PIP4P2: variants seen among roughly 807,000 people sequenced by gnomAD.
PIP4P2 encodes the protein phosphatidylinositol-4,5-bisphosphate 4-phosphatase 2.
In PIP4P2, 19 loss-of-function variants were observed where a neutral mutation model predicts 33.3. The ratio of observed to expected loss-of-function variants is 0.57; its 90% confidence interval spans 0.40 to 0.84. The LOEUF is 0.84. PIP4P2 is among the 40% of genes least tolerant of loss of function. PIP4P2 has a pLI of 0.00. For synonymous variants in PIP4P2, 110 were observed against 111.9 expected, an observed-to-expected ratio of 0.98 and a Z score of 0.11; for missense variants, 270 against 324.7, an observed-to-expected ratio of 0.83 and a Z score of 1.29.
intron 1 of PIP4P2, among the ~76,000 whole-genome samples, chr8:91,023,947 C>G (rs1310498984): frequency 1.3e-5 from 2 of 151,960 alleles, no homozygotes; most frequent in South Asian, 2.1e-4. Context: ...TACTTTTGCA[C>G]CAACCTAATA....
rs1811599898 is a variant in PIP4P2, at chr8:90,994,323, A to G, written c.*1354T>C. 6.6e-6 allele frequency: 1 copy of G among 152,110 alleles called. No homozygotes were observed. 9.4% of individuals were successfully genotyped at this position (152,110 alleles called of 1,614,324 possible). A position where few individuals can be genotyped will look rare whatever the true frequency, so the allele number is the denominator to read the frequency against. On this transcript the variant is annotated 3_prime_UTR_variant, in exon 7 of 7. Transcript: ENST00000285419. ...ATTTTTAAAGGTACATATAATCCTG[A>G]GCTACAGCATTTATACATTTGTCAT...
chr8:91,008,755 T>C lies in PIP4P2; in HGVS notation c.527A>G (p.His176Arg). 6.2e-7 allele frequency: 1 copy of C among 1,610,470 alleles called. No homozygotes were observed. Among genetic ancestry groups the C allele is most frequent in the South Asian group, 1.1e-5 (1 of 90,828 alleles). The change falls in exon 5 of 7, where the codon CAC becomes CGC. Residue 176 changes from histidine (H) to arginine (R), a missense_variant. Coordinates refer to ENST00000285419, the MANE Select transcript of PIP4P2 (RefSeq NM_018710.3). ...LRFNTLAKCP[H>R]CKKISSVGSA... The stretch of plus-strand genomic sequence containing the variant: ...GTAGGGAACTTACATTTTTTTGCAG[T>C]GTGGGCATTTTGCCAGAGTGTTGAA...
Position 90,996,677 on chromosome 8 carries a change from T to C in PIP4P2, c.607A>G (p.Ile203Val), listed in dbSNP as rs1811633138. The C allele has an allele frequency of 1.9e-6, 3 of 1,609,494 alleles. No individual in the cohort carries two copies. The highest frequency in any genetic ancestry group is 3.4e-5 in the Admixed American group (2 of 59,532). Residue 203 changes from isoleucine (I) to valine (V), a missense_variant, in exon 6 of 7, where the codon ATT (isoleucine) becomes GTT (valine). Coordinates refer to ENST00000285419, the MANE Select transcript of PIP4P2 (RefSeq NM_018710.3). ...ACAGTTAACCCAACTCCAATGAAAA[T>C]ACATATCATTCCAATGGTAATATAT... ...CAYITIGMIC[I>V]FIGVGLTVGT...
intron 1 of PIP4P2, among the ~76,000 whole-genome samples, chr8:91,022,345 T>G (rs968051224): frequency 6.6e-6 from 1 of 152,152 alleles, no homozygotes; most frequent in African/African-American, 2.4e-5. Context: ...GAGGCCCACT[T>G]TCAAAATCAA....
At chr8:91,026,770 A>T (rs1373622227) in intron 1 of PIP4P2, among the ~76,000 whole-genome samples, 1 of 152,180 alleles carries the variant, frequency 6.6e-6, no homozygotes, top group Non-Finnish European at 1.5e-5. Flanking sequence ...TGGTTTGGTG[A>T]ACTTGAGCTT....
intron 4 of PIP4P2, among the ~76,000 whole-genome samples, chr8:91,017,443 A>G (rs1389023096): frequency 2.0e-5 from 3 of 152,064 alleles, no homozygotes; most frequent in African/African-American, 4.8e-5. Context: ...AATTATAAAA[A>G]ATAAACACAT....
intron 4 of PIP4P2, among the ~76,000 whole-genome samples, chr8:91,009,386 C>T (rs1811801988): frequency 6.6e-6 from 1 of 151,998 alleles, no homozygotes; most frequent in Admixed American, 6.6e-5. Context: ...TATTCAGATA[C>T]TTGAAATGAC....
rs752247504 is a variant in PIP4P2 at position 91,040,635 on chromosome 8, T to A, written c.106+9A>T. On this transcript the variant is annotated intron_variant, in intron 1 of 6. Transcript: ENST00000285419. Reference sequence around the variant, plus strand: ...CCTTGCAAAGTAGAGGGATCTACGCTGGCCTTACCTCTGGGGCTGCTTTCT... The same window carrying A: ...CCTTGCAAAGTAGAGGGATCTACGCAGGCCTTACCTCTGGGGCTGCTTTCT... 1.2e-6 allele frequency: 2 copies of A among 1,613,712 alleles called. No homozygotes were observed. The highest frequency in any genetic ancestry group is 1.7e-4 in the Middle Eastern group (1 of 5,772).
rs751969059 is a variant in PIP4P2 at position 90,995,760 on chromosome 8, A to G, written c.691T>C (p.Tyr231His). ...RATYVSWAIA[Y>H]LLGLICLIRA... ...ATAAGGCAGATCAATCCTAGGAGAT[A>G]AGCAATTGCCCAAGAAACATAGGTT... Residue 231 changes from tyrosine (Y) to histidine (H), a missense_variant, in exon 7 of 7, where the codon TAT becomes CAT. Coordinates refer to ENST00000285419, the MANE Select transcript of PIP4P2 (RefSeq NM_018710.3). 6.2e-7 allele frequency: 1 copy of G among 1,613,410 alleles called. No individual in the cohort carries two copies. The highest frequency in any genetic ancestry group is 2.2e-5 in the East Asian group (1 of 44,846).
rs1811595408 is a variant in PIP4P2 at position 90,994,063 on chromosome 8, G to GAACCA, written c.*1613_*1614insTGGTT. 2 of 152,240 alleles carry GAACCA rather than the reference G, an allele frequency of 1.3e-5. No homozygotes were observed. Among genetic ancestry groups the GAACCA allele is most frequent in the Admixed American group, 1.3e-4 (2 of 15,296 alleles). The allele number at this position is 152,240 out of a possible 1,614,324, so 9.4% of individuals were successfully genotyped here. On this transcript the variant is annotated 3_prime_UTR_variant, in exon 7 of 7. Coordinates refer to ENST00000285419, the MANE Select transcript of PIP4P2 (RefSeq NM_018710.3). ...AACTAGTTAACCATTAGGAAAAGAA[G>GAACCA]TAAGATTATTTTATACCTAACATCA...
intron 3 of PIP4P2, among the ~76,000 whole-genome samples, chr8:91,019,556 C>A (rs978739636): frequency 6.7e-6 from 1 of 149,244 alleles, no homozygotes; most frequent in Non-Finnish European, 1.5e-5. Flanking sequence ...CCCGTTGAGA[C>A]TCTGTCTCAA....
At chr8:91,033,241 T>C (rs961049472) in intron 1 of PIP4P2, among the ~76,000 whole-genome samples, 6 of 152,198 alleles carry the variant, frequency 3.9e-5, no homozygotes, top group African/African-American at 1.4e-4. Context: ...ACTAAAGGTA[T>C]TGCAAACTCC....
intron 6 of PIP4P2, 71 bp downstream of exon 6, chr8:90,996,582 GT>G: frequency 7.7e-7 from 1 of 1,290,638 alleles, no homozygotes; most frequent in Non-Finnish European, 1.1e-6. Context: ...CCTGAAGGTT[GT>G]CCCAGGCCTC....
At chr8:91,025,469 C>G (rs1812070587) in intron 1 of PIP4P2, among the ~76,000 whole-genome samples, 1 of 152,124 alleles carries the variant, frequency 6.6e-6, no homozygotes, top group Non-Finnish European at 1.5e-5. Flanking sequence ...TTCATCTTTT[C>G]TCAGATATAT....
intron 5 of PIP4P2, among the ~76,000 whole-genome samples, chr8:90,999,082 C>T (rs906127612): frequency 4.0e-5 from 6 of 151,800 alleles, no homozygotes; most frequent in South Asian, 2.1e-4. Context: ...AAAAAACCAG[C>T]CCATTAAAAA....
At chr8:91,015,586 A>G (rs1169653021) in intron 4 of PIP4P2, among the ~76,000 whole-genome samples, 1 of 152,196 alleles carries the variant, frequency 6.6e-6, no homozygotes, top group African/African-American at 2.4e-5. Context: ...TTGGTGCCAT[A>G]AAGAAATAGC....
chr8:90,995,681 G>T lies in PIP4P2; in HGVS notation c.770C>A (p.Ala257Glu). 6.2e-7 allele frequency: 1 copy of T among 1,609,788 alleles called. No individual in the cohort carries two copies. The highest frequency in any genetic ancestry group is 8.5e-7 in the Non-Finnish European group (1 of 1,178,464). Residue 257 changes from alanine to glutamate, a missense_variant, in exon 7 of 7, where the codon GCA (alanine) becomes GAA (glutamate). Physicochemically the swap from Ala to Glu is moderately radical, Grantham distance 107. Transcript: ENST00000285419. ...ATTACTGAATCATAAACAAGCTTAT[G>T]CAAAACTGTGTTCTGGATAACTGAC... ...IRVSYPEHSF[A>E] is the part of the protein sequence containing the mutation.
At chr8:91,029,352 A>C (rs1812127820) in intron 1 of PIP4P2, among the ~76,000 whole-genome samples, 1 of 151,980 alleles carries the variant, frequency 6.6e-6, no homozygotes, top group Non-Finnish European at 1.5e-5. Flanking sequence ...TTAAAATGGC[A>C]CCCCCACTGT....
At chr8:91,010,562 C>T (rs1392435975) in intron 4 of PIP4P2, among the ~76,000 whole-genome samples, 1 of 151,912 alleles carries the variant, frequency 6.6e-6, no homozygotes, top group African/African-American at 2.4e-5. Flanking sequence ...TTGCCAGCAA[C>T]CTACCACATC....
Sources: allele counts gnomAD v4.1 joint callset (sites outside exome capture counted in the v4.1 genomes callset), GRCh38; gene constraint gnomAD v4.1.1; transcripts MANE v1.5; gene names NCBI Gene and HGNC (gene_info 2026-07-23, HGNC 2026-07-21).